CDK15: variants seen among roughly 807,000 people sequenced by gnomAD.
CDK15 encodes cyclin-dependent kinase 15.
In CDK15, 62 loss-of-function variants were observed where a neutral mutation model predicts 60.3. That is an observed-to-expected ratio of 1.03 (90% CI 0.84 to 1.27). The LOEUF (loss-of-function observed/expected upper bound fraction) is 1.27. Among genes scored for constraint, CDK15 ranks in the 50% most tolerant of loss-of-function variants. The pLI, the probability that CDK15 is intolerant of heterozygous loss-of-function variation, is 0.00. For missense variants in CDK15, 541 were observed against 527.8 expected (o/e 1.03, Z -0.25); for synonymous variants, 194 against 195.7 (o/e 0.99, Z 0.07).
intron 4 of CDK15, among the ~76,000 whole-genome samples, chr2:201,821,723 T>G (rs113347622): frequency 9.2e-5 from 14 of 152,220 alleles, no homozygotes; most frequent in African/African-American, 3.4e-4. Context: ...CAGGCCAGAG[T>G]GCAGTGGTGC....
rs771845233 is a variant in CDK15, at chr2:201,882,612, GA to G, written c.1198+2448del. Among the ~76,000 whole-genome samples, 79 of 151,664 alleles carry G rather than the reference GA, an allele frequency of 5.2e-4. No homozygotes were observed. The highest frequency in any genetic ancestry group is 1.1e-3 in the Admixed American group (16 of 15,214). ...GAAAGCGCCGGTGCCAAGAGACAGG[GA>G]AAGGCGGGGGCAAGATTGGGTGTGT... On this transcript the variant is annotated intron_variant, in intron 12 of 13. Transcript: ENST00000652192. This position sits in a 1 kb window ranked among gnomAD's most constrained non-coding sequence, Gnocchi z 4.0.
intron 4 of CDK15, among the ~76,000 whole-genome samples, chr2:201,815,878 T>A (rs1242450014): frequency 6.6e-6 from 1 of 152,178 alleles, no homozygotes; most frequent in Non-Finnish European, 1.5e-5. Flanking sequence ...AATGTGCTAT[T>A]TTTGTTGTAG....
rs1208631093 is a variant in CDK15, at chr2:201,895,433, C to T, written c.*2166C>T. 1 of 152,144 alleles carries T rather than the reference C, an allele frequency of 6.6e-6. No homozygotes were observed. Among genetic ancestry groups the T allele is most frequent in the Non-Finnish European group, 1.5e-5 (1 of 68,018 alleles). The allele number at this position is 152,144 out of a possible 1,614,324, so 9.4% of individuals were successfully genotyped here. ...CCTTATGCATATGATTATGCTTGTG[C>T]TTCCTTCTTTAATGGATTTACCTAT... On this transcript the variant is annotated 3_prime_UTR_variant, in exon 14 of 14. Coordinates refer to ENST00000652192, the MANE Select transcript of CDK15 (RefSeq NM_001366386.2).
intron 8 of CDK15, among the ~76,000 whole-genome samples, chr2:201,843,393 G>T (rs1697490237): frequency 6.6e-6 from 1 of 151,968 alleles, no homozygotes; most frequent in Non-Finnish European, 1.5e-5. Context: ...CACCATGTTG[G>T]CCAGGCTGGT....
At chr2:201,883,025 G>T (rs1699337738) in intron 12 of CDK15, among the ~76,000 whole-genome samples, 1 of 152,186 alleles carries the variant, frequency 6.6e-6, no homozygotes, top group African/African-American at 2.4e-5. Context: ...CCTGAGGAGG[G>T]CTGCCCCAGG....
chr2:201,813,338 G>A (rs1337502890), intron 4 of CDK15, among the ~76,000 whole-genome samples: 2 of 152,090 alleles, frequency 1.3e-5, no homozygotes, highest in South Asian at 4.1e-4. Context: ...ACATCAAGAA[G>A]CCAACATAGT....
intron 10 of CDK15, among the ~76,000 whole-genome samples, chr2:201,869,918 G>C (rs897754213): frequency 2.6e-5 from 4 of 152,222 alleles, no homozygotes; most frequent in Non-Finnish European, 5.9e-5. Flanking sequence ...CTAAACAAAT[G>C]CCAGATATTC....
chr2:201,826,912 TA>T (rs1324462185), intron 6 of CDK15, among the ~76,000 whole-genome samples: 7 of 152,244 alleles, frequency 4.6e-5, no homozygotes, highest in Admixed American at 4.6e-4. Flanking sequence ...TGGCCTGGTC[TA>T]ACTTCCTTAT....
chr2:201,865,387 T>TAA (rs1698579356), intron 10 of CDK15, among the ~76,000 whole-genome samples: 1 of 152,240 alleles, frequency 6.6e-6, no homozygotes, highest in Non-Finnish European at 1.5e-5. Flanking sequence ...GAGCAAGGCC[T>TAA]GGTCTCTCCT....
chr2:201,881,073 C>T (rs368773601), intron 12 of CDK15, among the ~76,000 whole-genome samples: 4 of 151,746 alleles, frequency 2.6e-5, no homozygotes, highest in Admixed American at 2.0e-4. Flanking sequence ...CTGGAAGGGG[C>T]GTGGGGGAGT....
chr2:201,867,416 G>C (rs942419646), intron 10 of CDK15, among the ~76,000 whole-genome samples: 10 of 152,130 alleles, frequency 6.6e-5, no homozygotes, highest in Non-Finnish European at 1.5e-5. Context: ...CTGGAAACTG[G>C]AGTTTGAGAC....
intron 10 of CDK15, chr2:201,860,723 T>C (rs768328538): frequency 7.4e-7 from 1 of 1,352,120 alleles, no homozygotes; most frequent in Non-Finnish European, 9.8e-7. Context: ...GCTTGCTTTA[T>C]CAACTTCTGA....
intron 12 of CDK15, chr2:201,888,453 T>G (rs1305639622): frequency 6.5e-7 from 1 of 1,535,376 alleles, no homozygotes; most frequent in Non-Finnish European, 8.7e-7. Context: ...TATTTATTTA[T>G]TCTAAGAGTG....
chr2:201,886,351 C>G (rs113141681), intron 12 of CDK15, among the ~76,000 whole-genome samples: 6,412 of 147,160 alleles, frequency 0.044, 282 homozygotes, highest in East Asian at 0.13. Flanking sequence ...TTGAGATGGA[C>G]TTTTGCTCTT....
chr2:201,840,976 G>A (rs1483902097), intron 8 of CDK15, among the ~76,000 whole-genome samples: 1 of 152,092 alleles, frequency 6.6e-6, no homozygotes, highest in East Asian at 1.9e-4. Flanking sequence ...TTCTCTCTCT[G>A]TAGAGCTCCA....
chr2:201,884,516 G>A (rs904243894), intron 12 of CDK15, among the ~76,000 whole-genome samples: 11 of 152,078 alleles, frequency 7.2e-5, no homozygotes, highest in African/African-American at 2.2e-4. Context: ...AATCTGAGTC[G>A]TGTTTTGTTT....
intron 11 of CDK15, among the ~76,000 whole-genome samples, chr2:201,875,615 G>T (rs768053270): frequency 6.6e-6 from 1 of 152,162 alleles, no homozygotes; most frequent in Non-Finnish European, 1.5e-5. Context: ...ATAATCGAAC[G>T]ATAACAGCCA....
intron 6 of CDK15, among the ~76,000 whole-genome samples, chr2:201,825,198 C>T (rs1245479129): frequency 1.3e-5 from 2 of 151,472 alleles, no homozygotes; most frequent in East Asian, 3.9e-4. Flanking sequence ...CCTGTAACCC[C>T]AGCTGCTCGA....
chr2:201,811,277 A>G (rs1242553839), intron 3 of CDK15, among the ~76,000 whole-genome samples: 1 of 151,122 alleles, frequency 6.6e-6, no homozygotes, highest in Non-Finnish European at 1.5e-5. Flanking sequence ...CAGCCTCCCC[A>G]GTAGCTGGGA....
Sources: gnomAD v4.1 joint callset for allele counts (sites outside exome capture counted in the v4.1 genomes callset) on GRCh38, gnomAD v4.1.1 for gene constraint, Gnocchi (gnomAD v3.1) non-coding constraint, MANE v1.5 for transcripts, NCBI Gene and HGNC (gene_info 2026-07-23, HGNC 2026-07-21) for gene names.